Variants in LRP1 observed in about 807,000 individuals in gnomAD.
LRP1 encodes the protein prolow-density lipoprotein receptor-related protein 1.
Under a neutral mutation model 541.5 loss-of-function variants are expected in LRP1, and 51 were observed. The observed-to-expected ratio is 0.09, with a 90% CI of 0.08 to 0.12. The LOEUF (loss-of-function observed/expected upper bound fraction) is 0.12. Among genes scored for constraint, LRP1 ranks in the 10% least tolerant of loss-of-function variants. LRP1 has a pLI of 1.00. For synonymous variants in LRP1, 2,219 were observed against 2,470.8 expected (o/e 0.90, Z 3.02); for missense variants, 3,878 against 6,376.2 (o/e 0.61, Z 13.34).
Position 57,193,896 on chromosome 12 carries a change from T to C in LRP1, c.7805-3T>C. The C allele has an allele frequency of 1.2e-6, 2 of 1,613,736 alleles. No homozygotes were observed. Among genetic ancestry groups the C allele is most frequent in the Non-Finnish European group, 1.7e-6 (2 of 1,179,824 alleles). ...TGACGATACGGGGCGGGCACTGTTC[T>C]AGAGACAGCCTGTGGTGTGGGCGAG... is the stretch of plus-strand genomic sequence containing the variant. On this transcript the variant is annotated splice_region_variant and splice_polypyrimidine_tract_variant and intron_variant, in intron 47 of 88. Transcript: ENST00000243077.
Position 57,154,657 on chromosome 12 carries a change from G to T in LRP1, c.1183G>T (p.Asp395Tyr). Residue 395 changes from aspartate to tyrosine, a missense_variant, in exon 8 of 89, where the codon GAC becomes TAC. Around this residue, in one of 13 missense-constraint regions of LRP1, gnomAD observed 496 missense variants for 861.0 expected, o/e 0.58. Transcript: ENST00000243077. The surrounding 1 kb of genome is among the most constrained non-coding windows in gnomAD (Gnocchi z 4.6). ...CTATCTGGACTATATTGAAGTGGTGGACTATGAGGGCAAGGGCCGCCAGAC... is the reference window on the plus strand; with the variant it reads ...CTATCTGGACTATATTGAAGTGGTGTACTATGAGGGCAAGGGCCGCCAGAC... The part of the protein sequence containing the change: ...DAYLDYIEVV[D>Y]YEGKGRQTII... 1 of 1,585,112 alleles carries T rather than the reference G, an allele frequency of 6.3e-7. No individual in the cohort carries two copies. The highest frequency in any genetic ancestry group is 1.8e-5 in the Admixed American group (1 of 55,132).
chr12:57,190,980 C>T lies in LRP1; in HGVS notation c.7207C>T (p.Arg2403Trp). Residue 2403 changes from arginine (R) to tryptophan (W), a missense_variant, in exon 43 of 89, where the codon CGG (arginine) becomes TGG (tryptophan). Coordinates refer to ENST00000243077, the MANE Select transcript of LRP1 (RefSeq NM_002332.3). ...FSDATLDKIE[R>W]CEYDGSHRYV... ...TGACGCCACCCTGGACAAGATCGAGCGGTGCGAGTATGACGGCTCCCACCG... is the reference window on the plus strand; with the variant it reads ...TGACGCCACCCTGGACAAGATCGAGTGGTGCGAGTATGACGGCTCCCACCG... 1.2e-6 allele frequency: 2 copies of T among 1,612,150 alleles called. No homozygotes were observed. Among genetic ancestry groups the T allele is most frequent in the Non-Finnish European group, 1.7e-6 (2 of 1,179,966 alleles).
Position 57,176,028 on chromosome 12 carries a change from C to T in LRP1, c.3913C>T (p.His1305Tyr). 6.2e-7 allele frequency: 1 copy of T among 1,614,228 alleles called. No homozygotes were observed. Among genetic ancestry groups the T allele is most frequent in the Non-Finnish European group, 8.5e-7 (1 of 1,180,042 alleles). The change falls in exon 24 of 89, where the codon CAC becomes TAC. Residue 1305 changes from histidine (H) to tyrosine (Y), a missense_variant. Around this residue, in one of 13 missense-constraint regions of LRP1, gnomAD observed 320 missense variants for 547.9 expected, o/e 0.58. Transcript: ENST00000243077. ...GCGCAACACCATCGCCCTGGACTTC[C>T]ACCTCAGCCAGAGCGCCCTCTACTG... ...GLRNTIALDFHLSQSALYWTD... is the reference protein window; with the variant it reads ...GLRNTIALDFYLSQSALYWTD...
intron 34 of LRP1, among the ~76,000 whole-genome samples, chr12:57,181,750 CA>C (rs1386044103): frequency 1.3e-4 from 20 of 152,214 alleles, no homozygotes; most frequent in African/African-American, 4.1e-4. Flanking sequence ...GGGGAAGAAA[CA>C]GAGGCGGTTA....
Position 57,154,090 on chromosome 12 carries a change from G to A in LRP1, c.842-118G>A. 5.6e-6 allele frequency: 5 copies of A among 892,996 alleles called. No individual in the cohort carries two copies. The highest frequency in any genetic ancestry group is 2.4e-5 in the East Asian group (1 of 41,174). 55.3% of individuals were successfully genotyped at this position (892,996 alleles called of 1,614,324 possible). ...ACTCTGAGCTAAGCATGGGGGTGTT[G>A]GGTGGGAGGGCGTCCAGAGAAGGTG... On this transcript the variant is annotated intron_variant, in intron 6 of 88. Transcript: ENST00000243077. This position sits in a 1 kb window ranked among gnomAD's most constrained non-coding sequence, Gnocchi z 4.6.
At chr12:57,159,777 T>C in intron 11 of LRP1, 48 bp from the exon 12 acceptor site, 1 of 1,600,314 alleles carries the variant, frequency 6.2e-7, no homozygotes, top group Non-Finnish European at 8.6e-7. Flanking sequence ...CAGGCAGCTT[T>C]GAACTTCCTT....
At chr12:57,129,674 G>A (rs941697081) in intron 1 of LRP1, among the ~76,000 whole-genome samples, 5 of 152,214 alleles carry the variant, frequency 3.3e-5, no homozygotes. Flanking sequence ...TGTGTTGGGG[G>A]GCAGAGAGGG....
chr12:57,192,547 G>A (rs537314147), intron 44 of LRP1, among the ~76,000 whole-genome samples: 1 of 152,208 alleles, frequency 6.6e-6, no homozygotes, highest in Non-Finnish European at 1.5e-5. Flanking sequence ...GCTCACTACT[G>A]CACCCGTGAT....
Position 57,197,178 on chromosome 12 carries a change from C to T in LRP1, c.9076+13C>T. On this transcript the variant is annotated intron_variant, in intron 56 of 88. Transcript: ENST00000243077. The surrounding 1 kb of genome is among the most constrained non-coding windows in gnomAD (Gnocchi z 4.5). ...AAGGCTGTGACTGGTGAGATGCGCG[C>T]TTGGAGGGCATGAGGTGACCCAGGC... 2.5e-6 allele frequency: 4 copies of T among 1,613,910 alleles called. No homozygotes were observed. The highest frequency in any genetic ancestry group is 3.4e-6 in the Non-Finnish European group (4 of 1,180,006).
At chr12:57,200,870 G>C in intron 64 of LRP1, 55 bp downstream of exon 64, 1 of 1,206,268 alleles carries the variant, frequency 8.3e-7, no homozygotes, top group Non-Finnish European at 1.1e-6. Flanking sequence ...CCTGCCCCAG[G>C]ATTTGGGGCT....
chr12:57,143,546 G>T, intron 3 of LRP1, 133 bp from the exon 4 acceptor site: 1 of 1,088,248 alleles, frequency 9.2e-7, no homozygotes, highest in Non-Finnish European at 1.3e-6. Context: ...GCTTCCTAAG[G>T]CCCTTCTGTC....
Position 57,197,506 on chromosome 12 carries a change from C to G in LRP1, c.9163-39C>G. 6.2e-7 allele frequency: 1 copy of G among 1,613,848 alleles called. No homozygotes were observed. On this transcript the variant is annotated intron_variant, in intron 57 of 88. Transcript: ENST00000243077. The surrounding 1 kb of genome is among the most constrained non-coding windows in gnomAD (Gnocchi z 4.5). Reference sequence around the variant, plus strand: ...CAGATGCAAATGTGGCCCCTGTTGCCACAACCGACTTCTGCTGTCCTTCAC... The same window carrying G: ...CAGATGCAAATGTGGCCCCTGTTGCGACAACCGACTTCTGCTGTCCTTCAC...
intron 8 of LRP1, chr12:57,155,462 A>G (rs2035600163): frequency 6.5e-6 from 1 of 154,472 alleles, no homozygotes; most frequent in Non-Finnish European, 1.4e-5. Context: ...AGATAAGTCC[A>G]CAAATCACTG....
At chr12:57,208,850 T>G (rs538492699) in intron 78 of LRP1, 33 bp downstream of exon 78, 82 of 1,555,790 alleles carry the variant, frequency 5.3e-5, no homozygotes, top group Non-Finnish European at 6.7e-5. Context: ...GGGACGGGCA[T>G]GGAGGGGGCC....
At chr12:57,186,646 G>C (rs1285723321) in intron 41 of LRP1, among the ~76,000 whole-genome samples, 1 of 152,126 alleles carries the variant, frequency 6.6e-6, no homozygotes, top group African/African-American at 2.4e-5. Flanking sequence ...AGCTAAACTC[G>C]GTACTCCATG....
chr12:57,128,953 T>G lies in LRP1; in HGVS notation c.-12T>G. 6.5e-7 allele frequency: 1 copy of G among 1,544,112 alleles called. No homozygotes were observed. Among genetic ancestry groups the G allele is most frequent in the Non-Finnish European group, 8.8e-7 (1 of 1,141,174 alleles). Reference sequence around the variant, plus strand: ...AGAGGGGAAGGGGCTGCTGCTTGCATCAGCCCACACCATGCTGACCCCGCC... The same window carrying G: ...AGAGGGGAAGGGGCTGCTGCTTGCAGCAGCCCACACCATGCTGACCCCGCC... On this transcript the variant is annotated 5_prime_UTR_variant, in exon 1 of 89. Transcript: ENST00000243077.
Position 57,129,048 on chromosome 12 carries a change from G to A in LRP1, c.67+17G>A, listed in dbSNP as rs2034979448. On this transcript the variant is annotated intron_variant, in intron 1 of 88. Transcript: ENST00000243077. The stretch of plus-strand genomic sequence containing the variant: ...CTATCGACGGTGAGTGAGATTCCGC[G>A]TCCCCCTTGGACCCCTGGGGGCACC... The A allele has an allele frequency of 5.2e-6, 8 of 1,551,244 alleles. No homozygotes were observed. The highest frequency in any genetic ancestry group is 7.0e-6 in the Non-Finnish European group (8 of 1,146,750).
chr12:57,197,049 G>A lies in LRP1; in HGVS notation c.8960G>A (p.Ser2987Asn), dbSNP rs752903769. Residue 2987 changes from serine to asparagine, a missense_variant, in exon 56 of 89, where the codon AGC becomes AAC. By Grantham distance (46) the Ser-to-Asn change is conservative. Coordinates refer to ENST00000243077, the MANE Select transcript of LRP1 (RefSeq NM_002332.3). This position sits in a 1 kb window ranked among gnomAD's most constrained non-coding sequence, Gnocchi z 4.5. ...GRTCADVDEC[S>N]TTFPCSQRCI... ...ACGTGTGCTGATGTGGACGAGTGCA[G>A]CACCACCTTCCCCTGCAGCCAGCGC... 32 of 1,614,060 alleles carry A rather than the reference G, an allele frequency of 2.0e-5. No individual in the cohort carries two copies. Among genetic ancestry groups the A allele is most frequent in the Non-Finnish European group, 2.6e-5 (31 of 1,180,014 alleles).
In LRP1 at chr12:57,178,830, T is replaced by C; in HGVS notation, c.4607-60T>C. On this transcript the variant is annotated intron_variant, in intron 27 of 88. Transcript: ENST00000243077. This position sits in a 1 kb window ranked among gnomAD's most constrained non-coding sequence, Gnocchi z 5.8. ...GAGTGGGCGAGGAAGGGGTGGTCCATGTAGGGAGCAGCAAGTCACAGGATG... is the reference window on the plus strand; with the variant it reads ...GAGTGGGCGAGGAAGGGGTGGTCCACGTAGGGAGCAGCAAGTCACAGGATG... The C allele has an allele frequency of 6.4e-7, 1 of 1,573,788 alleles. No individual in the cohort carries two copies. Among genetic ancestry groups the C allele is most frequent in the East Asian group, 2.2e-5 (1 of 44,772 alleles).
Sources: gnomAD v4.1 joint callset for allele counts (sites outside exome capture counted in the v4.1 genomes callset) on GRCh38, gnomAD v4.1.1 for gene constraint, gnomAD v4.1.1 regional missense constraint, Gnocchi (gnomAD v3.1) non-coding constraint, MANE v1.5 for transcripts, NCBI Gene and HGNC (gene_info 2026-07-23, HGNC 2026-07-21) for gene names.